Variants in OSBPL8 observed in about 807,000 individuals in gnomAD.
OSBPL8 encodes the protein oxysterol binding protein like 8.
OSBPL8 carries 59 observed loss-of-function variants against 125.5 expected under a neutral mutation model. That is an observed-to-expected ratio of 0.47 (90% CI 0.38 to 0.58). The LOEUF (loss-of-function observed/expected upper bound fraction) is 0.58. Ranked by LOEUF, OSBPL8 falls within the 20% of genes least tolerant of loss-of-function variation. OSBPL8 has a pLI of 0.00. For missense variants in OSBPL8, 758 were observed against 1,047.8 expected (o/e 0.72, Z 3.82); for synonymous variants, 330 against 338.9 (o/e 0.97, Z 0.29).
chr12:76,472,973 G>GTT (rs1036689035), intron 2 of OSBPL8, among the ~76,000 whole-genome samples: 5 of 152,230 alleles, frequency 3.3e-5, no homozygotes, highest in Non-Finnish European at 7.4e-5. Flanking sequence ...AGTAGCAGGT[G>GTT]TTTTTCCTTG....
intron 3 of OSBPL8, among the ~76,000 whole-genome samples, chr12:76,457,051 C>T (rs1023536827): frequency 6.6e-6 from 1 of 152,034 alleles, no homozygotes; most frequent in South Asian, 2.1e-4. Context: ...CAATATTGCA[C>T]GAAACATGAT....
intron 1 of OSBPL8, among the ~76,000 whole-genome samples, chr12:76,539,265 T>C (rs1251041983): frequency 6.6e-6 from 1 of 152,178 alleles, no homozygotes; most frequent in Non-Finnish European, 1.5e-5. Context: ...TCTCTATGCG[T>C]ATTTATGTCT....
chr12:76,386,469 C>T (rs1023034711), intron 13 of OSBPL8, 110 bp downstream of exon 13: 14 of 1,292,424 alleles, frequency 1.1e-5, no homozygotes, highest in African/African-American at 4.5e-5. Context: ...AATTTTGCTA[C>T]GTCAAAGAAG....
At chr12:76,395,869 T>C (rs903681489) in intron 8 of OSBPL8, among the ~76,000 whole-genome samples, 1 of 152,008 alleles carries the variant, frequency 6.6e-6, no homozygotes, top group African/African-American at 2.4e-5. Context: ...GGGAAGTATT[T>C]ATATAATTAT....
intron 9 of OSBPL8, among the ~76,000 whole-genome samples, chr12:76,393,538 G>A (rs1361882446): frequency 2.8e-5 from 4 of 144,960 alleles, no homozygotes; most frequent in Non-Finnish European, 6.0e-5. Context: ...GTGAAACCCT[G>A]TCTCTACTGA....
chr12:76,435,140 T>C lies in OSBPL8; in HGVS notation c.217+15711A>G, dbSNP rs568545154. The stretch of plus-strand genomic sequence containing the variant: ...GCAGAGAATGGATAAACTGAGGTGT[T>C]TGTGTATATATCTACGTGTGTGTGT... On this transcript the variant is annotated intron_variant, in intron 4 of 23. Coordinates refer to ENST00000261183, the MANE Select transcript of OSBPL8 (RefSeq NM_020841.5). Among the ~76,000 whole-genome samples the C allele has an allele frequency of 3.4e-5, 5 of 147,678 alleles. No homozygotes were observed. The East Asian group carries it at 7.8e-4, about 23-fold the overall frequency.
intron 1 of OSBPL8, among the ~76,000 whole-genome samples, chr12:76,555,714 C>T (rs752295241): frequency 2.6e-5 from 4 of 152,000 alleles, no homozygotes; most frequent in African/African-American, 4.8e-5. Flanking sequence ...CCGATGGAAA[C>T]GACGCTTGTA....
At chr12:76,475,847 C>G (rs1326785628) in intron 2 of OSBPL8, among the ~76,000 whole-genome samples, 1 of 152,180 alleles carries the variant, frequency 6.6e-6, no homozygotes, top group South Asian at 2.1e-4. Flanking sequence ...ACTATGAGCA[C>G]AAAACATGAT....
intron 6 of OSBPL8, among the ~76,000 whole-genome samples, chr12:76,400,408 C>T (rs1447619120): frequency 6.6e-6 from 1 of 152,184 alleles, no homozygotes; most frequent in East Asian, 1.9e-4. Flanking sequence ...CATTGATGGG[C>T]ATTTAGGTTG....
At chr12:76,519,566 T>A (rs968309571) in intron 1 of OSBPL8, among the ~76,000 whole-genome samples, 1 of 152,196 alleles carries the variant, frequency 6.6e-6, no homozygotes, top group Non-Finnish European at 1.5e-5. Context: ...ATTTTTTGTA[T>A]TATACTGTTC....
intron 4 of OSBPL8, among the ~76,000 whole-genome samples, chr12:76,437,437 T>C (rs1871600268): frequency 6.6e-6 from 1 of 152,244 alleles, no homozygotes; most frequent in South Asian, 2.1e-4. Flanking sequence ...GCCATCCGTG[T>C]TACCTCTTCT....
At chr12:76,492,935 TA>T (rs747483434) in intron 1 of OSBPL8, among the ~76,000 whole-genome samples, 151 of 149,726 alleles carry the variant, frequency 1.0e-3, no homozygotes, top group African/African-American at 2.8e-3. Context: ...TATATATAGA[TA>T]TTTTTTTTTT....
chr12:76,356,947 G>A (rs1366931434), intron 22 of OSBPL8, among the ~76,000 whole-genome samples: 1 of 152,096 alleles, frequency 6.6e-6, no homozygotes, highest in Non-Finnish European at 1.5e-5. Flanking sequence ...TTGAATTTTG[G>A]ATGGCACCAG....
intron 4 of OSBPL8, among the ~76,000 whole-genome samples, chr12:76,445,290 A>C (rs921170373): frequency 1.3e-5 from 2 of 152,308 alleles, no homozygotes; most frequent in African/African-American, 4.8e-5. Flanking sequence ...TCTAAAAGAA[A>C]ACACAGAAAG....
chr12:76,418,976 C>T (rs1048476487), intron 4 of OSBPL8, among the ~76,000 whole-genome samples: 1 of 152,114 alleles, frequency 6.6e-6, no homozygotes, highest in South Asian at 2.1e-4. Context: ...TGGCTCATGC[C>T]TATAATCCCA....
chr12:76,436,819 T>C (rs1592680483), intron 4 of OSBPL8, among the ~76,000 whole-genome samples: 2 of 152,278 alleles, frequency 1.3e-5, no homozygotes, highest in South Asian at 4.1e-4. Flanking sequence ...TATAAATACC[T>C]CCCACTCTTC....
intron 4 of OSBPL8, among the ~76,000 whole-genome samples, chr12:76,445,448 G>T (rs1348175199): frequency 6.6e-6 from 1 of 152,026 alleles, no homozygotes; most frequent in East Asian, 1.9e-4. Flanking sequence ...AGCATGCCAA[G>T]ACTGGAAGAA....
At chr12:76,408,461 C>CAAAA (rs71082306) in intron 5 of OSBPL8, among the ~76,000 whole-genome samples, 1 of 73,300 alleles carries the variant, frequency 1.4e-5, no homozygotes, top group African/African-American at 5.4e-5. Flanking sequence ...GACTCCTTCT[C>CAAAA]AAAAAAAAAA....
At chr12:76,477,775 G>T (rs1450607474) in intron 2 of OSBPL8, among the ~76,000 whole-genome samples, 1 of 151,532 alleles carries the variant, frequency 6.6e-6, no homozygotes, top group African/African-American at 2.4e-5. Context: ...AATAGGCGAA[G>T]GGGGGGTACA....
Sources: allele counts gnomAD v4.1 joint callset (sites outside exome capture counted in the v4.1 genomes callset), GRCh38; gene constraint gnomAD v4.1.1; transcripts MANE v1.5; gene names NCBI Gene and HGNC (gene_info 2026-07-23, HGNC 2026-07-21).